The following ACOXL variants were observed in gnomAD, a reference collection of about 807,000 sequenced individuals.
The protein encoded by ACOXL is acyl-CoA oxidase like, also known as acyl-coenzyme A oxidase-like protein.
ACOXL carries 70 observed loss-of-function variants against 71.9 expected under a neutral mutation model. The observed-to-expected ratio is 0.97, with a 90% CI of 0.80 to 1.19. The LOEUF (loss-of-function observed/expected upper bound fraction) is 1.19, where lower values mean the gene tolerates loss of function less well. Ranked by LOEUF, ACOXL falls within the 50% of genes most tolerant of loss-of-function variation. The probability of loss-of-function intolerance (pLI) is 0.00; values close to 1 mark genes in which losing one functional copy is unlikely to be tolerated. For synonymous variants in ACOXL, 253 were observed against 281.6 expected (o/e 0.90, Z 1.02); for missense variants, 703 against 736.3 (o/e 0.95, Z 0.52).
At chr2:110,847,977 C>A (rs1189191769) in intron 10 of ACOXL, among the ~76,000 whole-genome samples, 1 of 152,180 alleles carries the variant, frequency 6.6e-6, no homozygotes, top group African/African-American at 2.4e-5. Flanking sequence ...AGATTAGAAG[C>A]AGAGTTTGAA....
At chr2:110,789,767 A>G (rs73956455) in intron 3 of ACOXL, among the ~76,000 whole-genome samples, 1,864 of 152,330 alleles carry the variant, frequency 0.012, 44 homozygotes, top group African/African-American at 0.043. Context: ...CGTTGTCTCA[A>G]AAAACACTTC....
intron 12 of ACOXL, among the ~76,000 whole-genome samples, chr2:110,986,537 T>C (rs977340063): frequency 6.6e-6 from 1 of 152,206 alleles, no homozygotes; most frequent in African/African-American, 2.4e-5. Context: ...TTCACATGTC[T>C]AGTGGTTGTT....
intron 10 of ACOXL, among the ~76,000 whole-genome samples, chr2:110,841,714 C>T (rs532988048): frequency 1.3e-5 from 2 of 152,254 alleles, no homozygotes; most frequent in East Asian, 1.9e-4. Context: ...TGCCTGAAAA[C>T]GGGGATGCCC....
chr2:111,027,013 C>A (rs1294573396), intron 14 of ACOXL, among the ~76,000 whole-genome samples: 1 of 152,036 alleles, frequency 6.6e-6, no homozygotes, highest in Admixed American at 6.6e-5. Flanking sequence ...ACTTCCACTT[C>A]AGCCTCCCAA....
rs190322170 is a variant in ACOXL at position 111,013,711 on chromosome 2, G to C, written c.1281+17707G>C. 2.8e-4 allele frequency among the ~76,000 whole-genome samples: 42 copies of C among 152,122 alleles called. No individual in the cohort carries two copies. In the East Asian group the frequency reaches 7.3e-3, roughly 27 times the overall value. On this transcript the variant is annotated intron_variant, in intron 14 of 17. Transcript: ENST00000439055. ...TCCCACAAAGAAAGCTCCAGGTCCA[G>C]ATGGTTTTACTGTTGAATTCTATCA...
At chr2:110,875,972 T>C (rs1232571927) in intron 10 of ACOXL, among the ~76,000 whole-genome samples, 1 of 152,114 alleles carries the variant, frequency 6.6e-6, no homozygotes, top group Non-Finnish European at 1.5e-5. Flanking sequence ...CACTCTACTG[T>C]ATTTTATAAA....
intron 1 of ACOXL, among the ~76,000 whole-genome samples, chr2:110,746,190 G>A (rs1678172766): frequency 6.6e-6 from 1 of 152,164 alleles, no homozygotes; most frequent in East Asian, 1.9e-4. Context: ...GCAGAGCTGA[G>A]CAGGGGACTC....
intron 11 of ACOXL, among the ~76,000 whole-genome samples, chr2:110,923,176 C>T (rs953985645): frequency 6.6e-6 from 1 of 152,190 alleles, no homozygotes; most frequent in African/African-American, 2.4e-5. Context: ...TCTGCGACAA[C>T]GTTCTGGTTT....
chr2:110,844,125 A>G (rs549778421), intron 10 of ACOXL, among the ~76,000 whole-genome samples: 1 of 152,342 alleles, frequency 6.6e-6, no homozygotes, highest in African/African-American at 2.4e-5. Flanking sequence ...ACTCAGAGAC[A>G]GCATGAGGGC....
rs140143506 is a variant in ACOXL, at chr2:110,842,945, G to A, written c.788+1540G>A. Reference sequence around the variant, plus strand: ...CAAAAGTGTGGTGTCCTGCAGACGGGTGCTCTTCCCTTGTAACCCCAGCCA... The same window carrying A: ...CAAAAGTGTGGTGTCCTGCAGACGGATGCTCTTCCCTTGTAACCCCAGCCA... On this transcript the variant is annotated intron_variant, in intron 10 of 17. Transcript: ENST00000439055. Among the ~76,000 whole-genome samples the A allele has an allele frequency of 8.0e-3, 1,212 of 152,294 alleles. 12 individuals are homozygous for A. Among genetic ancestry groups the A allele is most frequent in the Middle Eastern group, 0.014 (4 of 294 alleles).
At chr2:110,799,866 A>C (rs1685743664) in intron 7 of ACOXL, among the ~76,000 whole-genome samples, 1 of 152,182 alleles carries the variant, frequency 6.6e-6, no homozygotes, top group Non-Finnish European at 1.5e-5. Context: ...GAAATGCACC[A>C]ATCAGTGCTC....
intron 3 of ACOXL, among the ~76,000 whole-genome samples, chr2:110,790,606 T>G (rs1364885283): frequency 6.6e-6 from 1 of 152,220 alleles, no homozygotes; most frequent in East Asian, 1.9e-4. Flanking sequence ...TTTTCTCTCT[T>G]ACCACTGCTT....
chr2:110,833,482 T>A (rs1421408903), intron 9 of ACOXL, among the ~76,000 whole-genome samples: 32 of 152,116 alleles, frequency 2.1e-4, no homozygotes, highest in Admixed American at 2.1e-3. Context: ...CTTGCGGGGA[T>A]GGAGATGTCC....
chr2:110,938,249 A>T (rs1189197556), intron 12 of ACOXL, among the ~76,000 whole-genome samples: 1 of 152,202 alleles, frequency 6.6e-6, no homozygotes. Flanking sequence ...ACTGAGGGAC[A>T]CCATGACAGG....
At position 110,788,552 on chromosome 2, in the gene ACOXL, ATAG is replaced by A. The variant is rs1418775706; in HGVS notation, c.159+3739_159+3741del. Among the ~76,000 whole-genome samples the A allele has an allele frequency of 8.7e-4, 133 of 152,340 alleles. 2 individuals are homozygous for A. Among genetic ancestry groups the A allele is most frequent in the Admixed American group, 8.3e-3 (127 of 15,302 alleles). Reference sequence around the variant, plus strand: ...TTGGGATGATGAAAAAGTTTTGGAAATAGTGGTGATGGTTGTACAACATTATGA... The same window carrying A: ...TTGGGATGATGAAAAAGTTTTGGAAATGGTGATGGTTGTACAACATTATGA... On this transcript the variant is annotated intron_variant, in intron 3 of 17. Transcript: ENST00000439055.
chr2:110,889,239 A>C (rs1183793902), intron 10 of ACOXL, among the ~76,000 whole-genome samples: 2 of 152,256 alleles, frequency 1.3e-5, no homozygotes, highest in African/African-American at 4.8e-5. Context: ...GATGAGATGC[A>C]GGCAGTGCCT....
chr2:110,960,998 C>T (rs2061681865), intron 12 of ACOXL, among the ~76,000 whole-genome samples: 1 of 152,198 alleles, frequency 6.6e-6, no homozygotes, highest in African/African-American at 2.4e-5. Context: ...ACCTCAGGGT[C>T]CCAAGGATTG....
At chr2:111,075,743 CACA>C (rs1039161213) in intron 16 of ACOXL, among the ~76,000 whole-genome samples, 5 of 151,998 alleles carry the variant, frequency 3.3e-5, no homozygotes, top group African/African-American at 1.2e-4. Flanking sequence ...TCCTGCACCC[CACA>C]ACAACTTATA....
At chr2:111,018,278 T>C (rs2064559685) in intron 14 of ACOXL, among the ~76,000 whole-genome samples, 1 of 151,860 alleles carries the variant, frequency 6.6e-6, no homozygotes, top group African/African-American at 2.4e-5. Context: ...GTGGGCTTGG[T>C]GCATAGGGGC....
Sources: gnomAD v4.1 joint callset for allele counts (sites outside exome capture counted in the v4.1 genomes callset) on GRCh38, gnomAD v4.1.1 for gene constraint, MANE v1.5 for transcripts, NCBI Gene and HGNC (gene_info 2026-07-23, HGNC 2026-07-21) for gene names.